Variants in CEP85L observed in about 807,000 individuals in gnomAD.
CEP85L encodes centrosomal protein of 85 kDa-like.
CEP85L carries 60 observed loss-of-function variants against 100.3 expected under a neutral mutation model. That is an observed-to-expected ratio of 0.60 (90% CI 0.49 to 0.74). CEP85L has a LOEUF of 0.74. Among genes scored for constraint, CEP85L ranks in the 30% least tolerant of loss-of-function variants. The pLI is 0.00. For synonymous variants in CEP85L, 319 were observed against 322.7 expected, an observed-to-expected ratio of 0.99 and a Z score of 0.12; for missense variants, 973 against 936.2, an observed-to-expected ratio of 1.04 and a Z score of -0.51.
intron 1 of CEP85L, among the ~76,000 whole-genome samples, chr6:118,704,123 CA>C (rs558479770): frequency 1.3e-3 from 191 of 152,254 alleles, no homozygotes; most frequent in African/African-American, 4.2e-3. Context: ...ACTGGCATGA[CA>C]AAGTCACTGG....
At chr6:118,649,578 G>C (rs1384081460) in intron 1 of CEP85L, among the ~76,000 whole-genome samples, 2 of 152,098 alleles carry the variant, frequency 1.3e-5, no homozygotes, top group Admixed American at 6.5e-5. Context: ...GATGGCTTTT[G>C]ACATTTTCAG....
chr6:118,650,610 G>A (rs1236891012), intron 1 of CEP85L, among the ~76,000 whole-genome samples: 1 of 152,150 alleles, frequency 6.6e-6, no homozygotes. Context: ...AGGTTCCTCC[G>A]AGGGGCTGAA....
intron 3 of CEP85L, among the ~76,000 whole-genome samples, chr6:118,534,888 T>G (rs894289229): frequency 1.5e-4 from 23 of 151,310 alleles, no homozygotes; most frequent in African/African-American, 5.3e-4. Context: ...GGTGTGGTGG[T>G]GCACACCTGT....
intron 1 of CEP85L, among the ~76,000 whole-genome samples, chr6:118,702,239 A>G (rs147084969): frequency 1.3e-5 from 2 of 152,148 alleles, no homozygotes; most frequent in African/African-American, 4.8e-5. Flanking sequence ...GGCTGGACAC[A>G]GTGGCTCACG....
chr6:118,632,035 G>A (rs1774193644), intron 2 of CEP85L, among the ~76,000 whole-genome samples: 1 of 152,136 alleles, frequency 6.6e-6, no homozygotes, highest in Non-Finnish European at 1.5e-5. Flanking sequence ...TGTCCCCCAG[G>A]CTGGAGTGCA....
chr6:118,500,636 A>G (rs1276429940), intron 5 of CEP85L, among the ~76,000 whole-genome samples: 1 of 152,070 alleles, frequency 6.6e-6, no homozygotes, highest in Admixed American at 6.6e-5. Context: ...TCTTCCAATT[A>G]TACTCTTTTG....
intron 4 of CEP85L, among the ~76,000 whole-genome samples, chr6:118,517,026 TCATCA>T (rs2114746852): frequency 8.4e-6 from 1 of 118,974 alleles, no homozygotes; most frequent in South Asian, 2.8e-4. Flanking sequence ...TTGCTTGTTT[TCATCA>T]GGTTTGTCAA....
intron 10 of CEP85L, among the ~76,000 whole-genome samples, chr6:118,475,601 G>C (rs1198322694): frequency 6.6e-6 from 1 of 152,020 alleles, no homozygotes; most frequent in Non-Finnish European, 1.5e-5. Context: ...TGATCCGCCT[G>C]CCTCGGCCTC....
chr6:118,487,024 T>TA (rs113648867), intron 6 of CEP85L, among the ~76,000 whole-genome samples: 2 of 150,286 alleles, frequency 1.3e-5, no homozygotes, highest in African/African-American at 2.4e-5. Context: ...GAGAGAAATA[T>TA]AAAAAATAAT....
At chr6:118,503,507 T>C (rs902929033) in intron 5 of CEP85L, among the ~76,000 whole-genome samples, 2 of 152,078 alleles carry the variant, frequency 1.3e-5, no homozygotes, top group African/African-American at 4.8e-5. Flanking sequence ...AAGAACAAAG[T>C]TGGAGTACTG....
chr6:118,466,778 ATC>A (rs1185082111), intron 12 of CEP85L, among the ~76,000 whole-genome samples: 1 of 152,140 alleles, frequency 6.6e-6, no homozygotes, highest in Non-Finnish European at 1.5e-5. Flanking sequence ...GTTTAGACAG[ATC>A]TGTCTGGCAA....
At chr6:118,555,345 G>A (rs535211444) in intron 3 of CEP85L, among the ~76,000 whole-genome samples, 164 of 150,320 alleles carry the variant, frequency 1.1e-3, no homozygotes, top group African/African-American at 3.7e-3. Context: ...GGAGAATGGC[G>A]TGAACCCGGG....
At chr6:118,550,916 C>T (rs986004171) in intron 3 of CEP85L, among the ~76,000 whole-genome samples, 2 of 151,754 alleles carry the variant, frequency 1.3e-5, no homozygotes, top group East Asian at 3.9e-4. Flanking sequence ...CAGAAATATA[C>T]GAAAATTACA....
At chr6:118,466,030 G>GGGA (rs1772493160) in intron 12 of CEP85L, among the ~76,000 whole-genome samples, 1 of 152,068 alleles carries the variant, frequency 6.6e-6, no homozygotes, top group Non-Finnish European at 1.5e-5. Context: ...CACACACAGA[G>GGGA]GGAGAGCGGG....
intron 1 of CEP85L, among the ~76,000 whole-genome samples, chr6:118,659,861 C>T (rs1417616684): frequency 6.6e-6 from 1 of 152,226 alleles, no homozygotes; most frequent in Non-Finnish European, 1.5e-5. Flanking sequence ...AGCTCCTGGG[C>T]CTGCCGCCGT....
chr6:118,699,905 C>T (rs940603019), intron 1 of CEP85L, among the ~76,000 whole-genome samples: 3 of 152,042 alleles, frequency 2.0e-5, no homozygotes, highest in Non-Finnish European at 2.9e-5. Context: ...ATGTTGGCCA[C>T]GCTGGTCTTG....
At chr6:118,484,676 T>C (rs183880549) in intron 6 of CEP85L, among the ~76,000 whole-genome samples, 2 of 152,224 alleles carry the variant, frequency 1.3e-5, no homozygotes, top group African/African-American at 4.8e-5. Context: ...TCTGAAGGAA[T>C]GACTCCGATT....
At position 118,631,901 on chromosome 6, in the gene CEP85L, T is replaced by A. The variant is rs1290947535; in HGVS notation, c.232+552A>T. 3.9e-5 allele frequency among the ~76,000 whole-genome samples: 6 copies of A among 152,362 alleles called. 1 individual carries two copies. Among genetic ancestry groups the A allele is most frequent in the Admixed American group, 3.3e-4 (5 of 15,306 alleles). On this transcript the variant is annotated intron_variant, in intron 2 of 12. Transcript: ENST00000368491. ...TGTCAATACCCTGGTTACAACACTA[T>A]TATTTCTTAAAACTGTATATAAATC...
intron 4 of CEP85L, among the ~76,000 whole-genome samples, chr6:118,512,736 T>G (rs1379493546): frequency 6.6e-6 from 1 of 152,040 alleles, no homozygotes; most frequent in African/African-American, 2.4e-5. Context: ...ATAAAACAGC[T>G]CTAATGCCAC....
Sources: allele counts gnomAD v4.1 joint callset (sites outside exome capture counted in the v4.1 genomes callset), GRCh38; gene constraint gnomAD v4.1.1; transcripts MANE v1.5; gene names NCBI Gene and HGNC (gene_info 2026-07-23, HGNC 2026-07-21).